Variants in TMEM117 observed in about 807,000 individuals in gnomAD.
TMEM117 encodes the protein transmembrane protein 117.
In TMEM117, 27 loss-of-function variants were observed where a neutral mutation model predicts 52.4. That is an observed-to-expected ratio of 0.51 (90% CI 0.38 to 0.71). The LOEUF is 0.71. Among genes scored for constraint, TMEM117 ranks in the 30% least tolerant of loss-of-function variants. The pLI, the probability that TMEM117 is intolerant of heterozygous loss-of-function variation, is 0.00. For synonymous variants in TMEM117, 215 were observed against 206.3 expected (o/e 1.04, Z -0.36); for missense variants, 556 against 630.5 (o/e 0.88, Z 1.26).
intron 1 of TMEM117, among the ~76,000 whole-genome samples, chr12:43,840,637 A>G (rs1390817936): frequency 6.6e-6 from 1 of 152,196 alleles, no homozygotes; most frequent in African/African-American, 2.4e-5. Flanking sequence ...CTGATCACCC[A>G]GTATGAGCCC....
At chr12:44,351,889 G>A (rs748826014) in intron 6 of TMEM117, among the ~76,000 whole-genome samples, 2 of 151,674 alleles carry the variant, frequency 1.3e-5, no homozygotes, top group African/African-American at 4.8e-5. Flanking sequence ...CCGGGATGAG[G>A]TTCCCATTCT....
At chr12:43,976,979 A>G (rs1305994253) in intron 3 of TMEM117, among the ~76,000 whole-genome samples, 1 of 151,700 alleles carries the variant, frequency 6.6e-6, no homozygotes, top group Non-Finnish European at 1.5e-5. Context: ...TTACTAAGGA[A>G]CCCCCCACTA....
intron 3 of TMEM117, among the ~76,000 whole-genome samples, chr12:44,129,591 C>T (rs1419905037): frequency 6.6e-6 from 1 of 152,152 alleles, no homozygotes. Context: ...CTTCCTGCCT[C>T]CCTGTCTTGA....
At chr12:44,114,224 G>T (rs1303986203) in intron 3 of TMEM117, among the ~76,000 whole-genome samples, 1 of 152,008 alleles carries the variant, frequency 6.6e-6, no homozygotes, top group African/African-American at 2.4e-5. Context: ...GGCCATCTTG[G>T]CTCCTCCTCC....
intron 3 of TMEM117, among the ~76,000 whole-genome samples, chr12:44,141,201 C>A (rs1435589516): frequency 6.6e-6 from 1 of 152,068 alleles, no homozygotes; most frequent in South Asian, 2.1e-4. Flanking sequence ...TTGTCAGTAA[C>A]CTCCATGATA....
At chr12:44,079,301 A>G (rs1947439369) in intron 3 of TMEM117, among the ~76,000 whole-genome samples, 1 of 152,170 alleles carries the variant, frequency 6.6e-6, no homozygotes, top group Non-Finnish European at 1.5e-5. Context: ...GTCTTCCACA[A>G]TGGTTGAACT....
At chr12:43,882,901 A>G (rs760570039) in intron 2 of TMEM117, among the ~76,000 whole-genome samples, 1 of 152,256 alleles carries the variant, frequency 6.6e-6, no homozygotes, top group African/African-American at 2.4e-5. Flanking sequence ...ATTTCTCTGC[A>G]GCATCTTTTA....
Position 44,041,398 on chromosome 12 carries a change from ATCATGCATGCAATGTTC to A in TMEM117, c.410+97059_410+97075del, listed in dbSNP as rs773757151. 4.8e-4 allele frequency among the ~76,000 whole-genome samples: 73 copies of A among 152,100 alleles called. 1 individual carries two copies. Among genetic ancestry groups the A allele is most frequent in the Non-Finnish European group, 9.3e-4 (63 of 67,998 alleles). On this transcript the variant is annotated intron_variant, in intron 3 of 7. Coordinates refer to ENST00000266534, the MANE Select transcript of TMEM117 (RefSeq NM_032256.3). ...TTTCATCAAATTTCAAAGAATCTGT[ATCATGCATGCAATGTTC>A]TCTGACCACAATTAAGCTGCTTGCA...
chr12:44,145,589 A>C (rs1948631596), intron 4 of TMEM117, among the ~76,000 whole-genome samples: 1 of 152,210 alleles, frequency 6.6e-6, no homozygotes, highest in African/African-American at 2.4e-5. Flanking sequence ...GGGGCTTCTC[A>C]TCACTTTAGC....
chr12:44,068,061 G>A (rs912410066), intron 3 of TMEM117, among the ~76,000 whole-genome samples: 1 of 152,174 alleles, frequency 6.6e-6, no homozygotes, highest in Non-Finnish European at 1.5e-5. Context: ...TAAACTGCAT[G>A]ATCCAACCTC....
At chr12:44,149,831 G>C (rs1681455646) in intron 4 of TMEM117, among the ~76,000 whole-genome samples, 1 of 152,094 alleles carries the variant, frequency 6.6e-6, no homozygotes, top group Non-Finnish European at 1.5e-5. Flanking sequence ...AAGCATAATT[G>C]AATTTGATTT....
chr12:43,883,761 C>CAAAAAAAAA (rs10718021), intron 2 of TMEM117, among the ~76,000 whole-genome samples: 3 of 140,462 alleles, frequency 2.1e-5, no homozygotes, highest in South Asian at 2.2e-4. Context: ...GTATGAAAGA[C>CAAAAAAAAA]AAAAAAAAAA....
intron 4 of TMEM117, among the ~76,000 whole-genome samples, chr12:44,144,060 A>AT (rs963936953): frequency 7.1e-6 from 1 of 140,416 alleles, no homozygotes; most frequent in Admixed American, 7.1e-5. Context: ...CATATGAAAT[A>AT]TTTTTTTTAG....
chr12:43,914,917 A>G (rs1048618939), intron 2 of TMEM117, among the ~76,000 whole-genome samples: 1 of 152,160 alleles, frequency 6.6e-6, no homozygotes, highest in East Asian at 1.9e-4. Context: ...GCAAATTTAT[A>G]TTAAAACTCA....
At chr12:43,815,293 A>C in the TMEM117 span, among the ~76,000 whole-genome samples, 1 of 152,184 alleles carries the variant, frequency 6.6e-6, no homozygotes, top group Non-Finnish European at 1.5e-5. Context: ...TAATGCTTTA[A>C]CTTTTGATAC....
intron 2 of TMEM117, among the ~76,000 whole-genome samples, chr12:43,896,273 A>G: frequency 6.6e-6 from 1 of 152,334 alleles, no homozygotes; most frequent in East Asian, 1.9e-4. Flanking sequence ...TTCTCAGACT[A>G]TCAGTGGAGA....
intron 3 of TMEM117, among the ~76,000 whole-genome samples, chr12:44,107,068 ACTC>A (rs1300070101): frequency 6.6e-6 from 1 of 152,038 alleles, no homozygotes; most frequent in Non-Finnish European, 1.5e-5. Flanking sequence ...AACGAACAAT[ACTC>A]AATTTATTGA....
chr12:44,227,712 GCTT>G (rs1949881170), intron 5 of TMEM117, among the ~76,000 whole-genome samples: 1 of 152,044 alleles, frequency 6.6e-6, no homozygotes, highest in Non-Finnish European at 1.5e-5. Context: ...CATTGTCTCT[GCTT>G]CTGTGAAGCC....
At chr12:44,297,089 C>A (rs1345328558) in intron 5 of TMEM117, among the ~76,000 whole-genome samples, 1 of 152,128 alleles carries the variant, frequency 6.6e-6, no homozygotes, top group Non-Finnish European at 1.5e-5. Context: ...TAGAGGATCT[C>A]CTATTCTGCT....
Sources: gnomAD v4.1 joint callset for allele counts (sites outside exome capture counted in the v4.1 genomes callset) on GRCh38, gnomAD v4.1.1 for gene constraint, MANE v1.5 for transcripts, NCBI Gene and HGNC (gene_info 2026-07-23, HGNC 2026-07-21) for gene names.